The following KLRG1 variants were observed in gnomAD, a reference collection of about 807,000 sequenced individuals.
KLRG1 encodes the protein killer cell lectin like receptor G1.
A neutral mutation model predicts 21.8 loss-of-function variants in KLRG1; 16 were observed. The observed-to-expected ratio is 0.73, with a 90% CI of 0.50 to 1.11. The LOEUF (loss-of-function observed/expected upper bound fraction) is 1.11. Among genes scored for constraint, KLRG1 ranks in the 50% most tolerant of loss-of-function variants. The probability of loss-of-function intolerance (pLI) is 0.00; values close to 1 mark genes in which losing one functional copy is unlikely to be tolerated. For synonymous variants in KLRG1, 69 were observed against 75.9 expected (o/e 0.91, Z 0.47); for missense variants, 173 against 218.3 (o/e 0.79, Z 1.31).
the KLRG1 span, among the ~76,000 whole-genome samples, chr12:9,035,760 A>G: frequency 6.6e-6 from 1 of 152,198 alleles, no homozygotes; most frequent in Non-Finnish European, 1.5e-5. Flanking sequence ...ATGCCCATCA[A>G]CAGTGGACTG....
chr12:8,996,650 T>C (rs1411104629), intron 3 of KLRG1: 1 of 152,182 alleles, frequency 6.6e-6, no homozygotes, highest in Admixed American at 6.5e-5. Flanking sequence ...ACATAGAATC[T>C]AAACTCTAAA....
chr12:8,974,153 T>TTTTG (rs760154228), intron 1 of KLRG1, among the ~76,000 whole-genome samples: 15 of 149,346 alleles, frequency 1.0e-4, no homozygotes, highest in Admixed American at 6.8e-4. Context: ...TTTTTTGTTT[T>TTTTG]TTTGTTTGTT....
At chr12:9,055,622 C>T in the KLRG1 span, 1 of 152,504 alleles carries the variant, frequency 6.6e-6, no homozygotes, top group Non-Finnish European at 1.5e-5. Flanking sequence ...TATTTGCCAA[C>T]CTCATTCAGT....
At chr12:9,100,325 C>T in the KLRG1 span, among the ~76,000 whole-genome samples, 2 of 152,316 alleles carry the variant, frequency 1.3e-5, 1 homozygote, top group South Asian at 4.1e-4. Flanking sequence ...ACACAATTCT[C>T]ATTTTGAGAA....
chr12:9,194,845 G>A, the KLRG1 span, among the ~76,000 whole-genome samples: 3 of 152,094 alleles, frequency 2.0e-5, no homozygotes, highest in Non-Finnish European at 4.4e-5. Flanking sequence ...AATTTAAACT[G>A]GCTGTTTTTC....
At chr12:9,053,904 A>G in the KLRG1 span, among the ~76,000 whole-genome samples, 1 of 152,186 alleles carries the variant, frequency 6.6e-6, no homozygotes, top group Non-Finnish European at 1.5e-5. Context: ...TGCAGTTTCC[A>G]TGTCCTGATG....
chr12:9,157,202 A>G, the KLRG1 span: 2 of 1,613,812 alleles, frequency 1.2e-6, no homozygotes, highest in South Asian at 2.2e-5. Flanking sequence ...TTATCAAGTG[A>G]GTTCAGTATT....
chr12:9,202,181 C>A, the KLRG1 span: 4 of 751,764 alleles, frequency 5.3e-6, no homozygotes, highest in Admixed American at 2.7e-5. Flanking sequence ...TATAAGACTG[C>A]AAATCTGTGC....
At chr12:9,214,406 T>C in the KLRG1 span, among the ~76,000 whole-genome samples, 75 of 152,210 alleles carry the variant, frequency 4.9e-4, no homozygotes, top group African/African-American at 1.7e-3. Context: ...GTGTTGAATC[T>C]GTACATCAAT....
At chr12:8,961,247 G>A (rs1041186789) in intron 1 of KLRG1, among the ~76,000 whole-genome samples, 1 of 152,108 alleles carries the variant, frequency 6.6e-6, no homozygotes, top group South Asian at 2.1e-4. Context: ...CAGGAGTTTT[G>A]TGTCTTTAGC....
At chr12:9,203,717 C>G in the KLRG1 span, 1 of 1,596,304 alleles carries the variant, frequency 6.3e-7, no homozygotes, top group Non-Finnish European at 8.6e-7. Context: ...ACCTATAGAG[C>G]TCAATAAAAT....
chr12:9,077,893 G>T, the KLRG1 span: 2 of 1,613,570 alleles, frequency 1.2e-6, no homozygotes, highest in Non-Finnish European at 1.7e-6. Flanking sequence ...TGTTTATGTT[G>T]TCAAAATGGT....
At chr12:8,994,140 C>G (rs1270649912) in intron 2 of KLRG1, among the ~76,000 whole-genome samples, 1 of 152,200 alleles carries the variant, frequency 6.6e-6, no homozygotes, top group African/African-American at 2.4e-5. Flanking sequence ...TCTTGGCTCA[C>G]TGCAACCTCT....
intron 1 of KLRG1, among the ~76,000 whole-genome samples, chr12:8,954,601 T>C (rs1210494339): frequency 6.6e-6 from 1 of 152,108 alleles, no homozygotes; most frequent in Non-Finnish European, 1.5e-5. Context: ...CAAGGGGTCT[T>C]GGTTCTTTTA....
the KLRG1 span, among the ~76,000 whole-genome samples, chr12:9,083,258 G>A: frequency 6.6e-6 from 1 of 152,058 alleles, no homozygotes; most frequent in African/African-American, 2.4e-5. Context: ...GGGGATGGGG[G>A]AGGGATAGCA....
the KLRG1 span, chr12:9,072,777 C>G: frequency 1.2e-6 from 2 of 1,614,132 alleles, no homozygotes; most frequent in East Asian, 4.5e-5. Context: ...GGAAAATGTC[C>G]CTGAAGACTG....
At chr12:8,964,076 A>G (rs1946424291) in intron 1 of KLRG1, among the ~76,000 whole-genome samples, 1 of 152,106 alleles carries the variant, frequency 6.6e-6, no homozygotes, top group Admixed American at 6.5e-5. Context: ...GCCTTCTGCT[A>G]GCTTTTGAAT....
chr12:9,091,565 C>G, the KLRG1 span: 2 of 894,432 alleles, frequency 2.2e-6, no homozygotes, highest in Non-Finnish European at 3.4e-6. Context: ...AGAGTATAAT[C>G]AAGGATTGAG....
the KLRG1 span, chr12:9,202,568 G>A: frequency 1.1e-5 from 18 of 1,614,098 alleles, no homozygotes; most frequent in East Asian, 4.0e-4. Flanking sequence ...TCTGGACAAA[G>A]ACCAGACTTT....
Sources: gnomAD v4.1 joint callset for allele counts (sites outside exome capture counted in the v4.1 genomes callset) on GRCh38, gnomAD v4.1.1 for gene constraint, MANE v1.5 for transcripts, NCBI Gene and HGNC (gene_info 2026-07-23, HGNC 2026-07-21) for gene names.